ALK: variants seen among roughly 807,000 people sequenced by gnomAD.
The protein encoded by ALK is ALK receptor tyrosine kinase.
A neutral mutation model predicts 163.1 loss-of-function variants in ALK; 74 were observed. The ratio of observed to expected loss-of-function variants is 0.45; its 90% CI spans 0.38 to 0.55. The LOEUF is 0.55. Among genes scored for constraint, ALK ranks in the 20% least tolerant of loss-of-function variants. The pLI, the probability that ALK is intolerant of heterozygous loss-of-function variation, is 0.00. For synonymous variants in ALK, 960 were observed against 843.2 expected (o/e 1.14, Z -2.40); for missense variants, 2,063 against 2,105.3 (o/e 0.98, Z 0.39).
intron 1 of ALK, among the ~76,000 whole-genome samples, chr2:29,774,773 G>C (rs575800415): frequency 6.6e-6 from 1 of 152,290 alleles, no homozygotes; most frequent in Admixed American, 6.5e-5. Flanking sequence ...GATGGATACT[G>C]ACACCCGTAA....
Position 29,694,901 on chromosome 2 carries a change from T to C in ALK, c.901A>G (p.Met301Val), listed in dbSNP as rs754427541. The C allele has an allele frequency of 6.2e-7, 1 of 1,614,054 alleles. No individual in the cohort carries two copies. The highest frequency in any genetic ancestry group is 8.5e-7 in the Non-Finnish European group (1 of 1,179,982). Residue 301 changes from methionine to valine, a missense_variant, in exon 3 of 29, where the codon ATG becomes GTG. Met to Val is a conservative substitution (Grantham distance 21). Around this residue, in one of 5 missense-constraint regions of ALK, gnomAD observed 987 missense variants for 939.5 expected, o/e 1.05. Coordinates refer to ENST00000389048, the MANE Select transcript of ALK (RefSeq NM_004304.5). The stretch of plus-strand genomic sequence containing the variant: ...GCCCCAGGCCCATCCAGCAAGTCCA[T>C]CTGGGAGGCCTCCTCGGAGGGGATG... ...RRIPSEEASQMDLLDGPGAER... is the reference protein window; with the variant it reads ...RRIPSEEASQVDLLDGPGAER...
intron 8 of ALK, among the ~76,000 whole-genome samples, chr2:29,317,302 C>T (rs972239453): frequency 9.2e-5 from 14 of 152,208 alleles, no homozygotes; most frequent in African/African-American, 2.7e-4. Context: ...GTGTCCAGAA[C>T]GAGATGACTG....
At chr2:29,628,950 ATTCT>A (rs1396336526) in intron 3 of ALK, among the ~76,000 whole-genome samples, 16 of 152,258 alleles carry the variant, frequency 1.1e-4, no homozygotes, top group Admixed American at 3.3e-4. Flanking sequence ...GGAGCCAGTC[ATTCT>A]TTCTAAAGTA....
chr2:29,745,802 C>T (rs1680194076), intron 1 of ALK, among the ~76,000 whole-genome samples: 1 of 152,166 alleles, frequency 6.6e-6, no homozygotes, highest in South Asian at 2.1e-4. Context: ...ACCATAGTGC[C>T]TGGCAGAGAG....
chr2:29,504,085 C>A (rs368964268), intron 4 of ALK, among the ~76,000 whole-genome samples: 9 of 152,196 alleles, frequency 5.9e-5, no homozygotes, highest in East Asian at 5.8e-4. Flanking sequence ...AACACTGAGA[C>A]AGAGGAAAAC....
chr2:29,752,727 G>T (rs1298953087), intron 1 of ALK, among the ~76,000 whole-genome samples: 3 of 152,146 alleles, frequency 2.0e-5, no homozygotes, highest in African/African-American at 7.2e-5. Context: ...ATACCCTGTT[G>T]TTTCTGCTCT....
chr2:29,348,659 T>C (rs141334806), intron 5 of ALK, among the ~76,000 whole-genome samples: 366 of 152,324 alleles, frequency 2.4e-3, no homozygotes, highest in African/African-American at 8.2e-3. Flanking sequence ...AAGAAACACT[T>C]TGACACATGT....
intron 1 of ALK, among the ~76,000 whole-genome samples, chr2:29,811,708 G>T (rs1014857243): frequency 6.6e-6 from 1 of 152,192 alleles, no homozygotes; most frequent in Non-Finnish European, 1.5e-5. Context: ...TGCACTGTAG[G>T]ATCTGTAATC....
At chr2:29,792,082 A>G (rs992776542) in intron 1 of ALK, among the ~76,000 whole-genome samples, 5 of 152,242 alleles carry the variant, frequency 3.3e-5, no homozygotes, top group African/African-American at 9.6e-5. Context: ...AACTTGAAAA[A>G]TGATTCTGAA....
intron 1 of ALK, among the ~76,000 whole-genome samples, chr2:29,802,817 TATA>T (rs1388777390): frequency 6.6e-6 from 1 of 151,364 alleles, no homozygotes; most frequent in Admixed American, 6.6e-5. Flanking sequence ...AGTTGTGGTT[TATA>T]ATAATGAGGA....
At chr2:29,502,077 T>C (rs1485300055) in intron 4 of ALK, among the ~76,000 whole-genome samples, 1 of 152,216 alleles carries the variant, frequency 6.6e-6, no homozygotes. Context: ...GATGGACACT[T>C]ACCATTTAAC....
chr2:29,821,570 G>C (rs1665048858), intron 1 of ALK, among the ~76,000 whole-genome samples: 1 of 152,110 alleles, frequency 6.6e-6, no homozygotes, highest in Non-Finnish European at 1.5e-5. Context: ...CCACAAATGA[G>C]AGTGAAAAGG....
intron 4 of ALK, among the ~76,000 whole-genome samples, chr2:29,445,492 G>A (rs915289511): frequency 1.3e-5 from 2 of 152,212 alleles, no homozygotes; most frequent in African/African-American, 4.8e-5. Context: ...GTGGCAGTGT[G>A]GTGTCTGAAG....
chr2:29,855,184 C>T (rs375912276), intron 1 of ALK, among the ~76,000 whole-genome samples: 9 of 152,238 alleles, frequency 5.9e-5, no homozygotes, highest in African/African-American at 2.2e-4. Flanking sequence ...AACAAGCTAG[C>T]ACCCTGGCAT....
In ALK at chr2:29,214,002, TC is replaced by T; in HGVS notation, c.3724del (p.Glu1242LysfsTer16). On this transcript the variant is annotated frameshift_variant, in exon 24 of 29. Transcript: ENST00000389048. LOFTEE classifies it high-confidence loss of function. ...GACTCACCGGTGGATGAAGTGGTTT[TC>T]CTCCAAATACTGACAGCCACAGGCA... Reference protein sequence around the residue: ...DIACGCQYLEENHFIHRDIAA... With the variant: ...DIACGCQYLEXNHFIHRDIAA... 5 of 1,613,870 alleles carry T rather than the reference TC, an allele frequency of 3.1e-6. No homozygotes were observed. The highest frequency in any genetic ancestry group is 4.2e-6 in the Non-Finnish European group (5 of 1,179,848).
intron 1 of ALK, among the ~76,000 whole-genome samples, chr2:29,767,561 C>T (rs1384329867): frequency 6.6e-6 from 1 of 152,228 alleles, no homozygotes; most frequent in African/African-American, 2.4e-5. Context: ...CCTACTTTCT[C>T]ACTTCATGGA....
At chr2:29,197,729 TCACACA>T (rs138054421) in intron 26 of ALK, 53 bp from the exon 27 acceptor site, 5 of 1,359,046 alleles carry the variant, frequency 3.7e-6, no homozygotes, top group East Asian at 2.4e-5. Context: ...CCACCCACAT[TCACACA>T]CACACACAGG....
intron 1 of ALK, among the ~76,000 whole-genome samples, chr2:29,779,112 T>C (rs1681261802): frequency 6.6e-6 from 1 of 151,638 alleles, no homozygotes. Context: ...GCCGAGATCG[T>C]GCCACTGCAC....
At chr2:29,481,217 G>A (rs1671652911) in intron 4 of ALK, among the ~76,000 whole-genome samples, 1 of 152,202 alleles carries the variant, frequency 6.6e-6, no homozygotes, top group Admixed American at 6.5e-5. Flanking sequence ...TTGTAGTTCA[G>A]TGCTTTAACT....
Sources: allele counts gnomAD v4.1 joint callset (sites outside exome capture counted in the v4.1 genomes callset), GRCh38; gene constraint gnomAD v4.1.1; regional missense constraint gnomAD v4.1.1; transcripts MANE v1.5; gene names NCBI Gene and HGNC (gene_info 2026-07-23, HGNC 2026-07-21).